Variants in RBM19 observed in about 807,000 individuals in gnomAD.
RBM19 encodes the protein probable RNA-binding protein 19.
A neutral mutation model predicts 116.8 loss-of-function variants in RBM19; 94 were observed. That is an observed-to-expected ratio of 0.80 (90% CI 0.68 to 0.95). The LOEUF (loss-of-function observed/expected upper bound fraction) is 0.95. RBM19 is among the 40% of genes least tolerant of loss of function. The pLI is 0.00. For synonymous variants in RBM19, 475 were observed against 494.1 expected (o/e 0.96, Z 0.51); for missense variants, 1,161 against 1,220.7 (o/e 0.95, Z 0.73).
chr12:113,902,702 G>A (rs945061638), intron 21 of RBM19, among the ~76,000 whole-genome samples: 2 of 151,516 alleles, frequency 1.3e-5, no homozygotes, highest in African/African-American at 2.4e-5. Flanking sequence ...TGGAGATTTA[G>A]CCACGTTGTT....
chr12:113,920,791 T>A, intron 18 of RBM19, 101 bp from the exon 19 acceptor site: 1 of 1,011,128 alleles, frequency 9.9e-7, no homozygotes, highest in Non-Finnish European at 1.5e-6. Flanking sequence ...GTATTTCCTC[T>A]TCTTTTCATA....
At chr12:113,830,508 C>T (rs927915770) in intron 23 of RBM19, among the ~76,000 whole-genome samples, 3 of 142,742 alleles carry the variant, frequency 2.1e-5, no homozygotes, top group Non-Finnish European at 4.5e-5. Context: ...CAACCCCATA[C>T]ACAGGGGCTG....
In RBM19 at chr12:113,945,879, G is replaced by A. The variant is rs772812665; in HGVS notation, c.1575C>T (p.Ala525=). Residue 525 remains alanine, a synonymous_variant, in exon 13 of 24, where the codon GCC becomes GCT. Coordinates refer to ENST00000261741, the MANE Select transcript of RBM19 (RefSeq NM_016196.4). ...NTLFMGPNAV[A]DAIAQKYNAT... ...CGTTGTACTTCTGTGCGATGGCATC[G>A]GCCACGGCATTCGGCCCCATGAATA... 40 of 1,594,684 alleles carry A rather than the reference G, an allele frequency of 2.5e-5. No individual in the cohort carries two copies. Among genetic ancestry groups the A allele is most frequent in the East Asian group, 2.5e-4 (11 of 44,788 alleles).
intron 20 of RBM19, among the ~76,000 whole-genome samples, chr12:113,917,484 C>T (rs1482858048): frequency 6.6e-6 from 1 of 152,192 alleles, no homozygotes; most frequent in Non-Finnish European, 1.5e-5. Context: ...ACCAAGCCAT[C>T]TTCCCTCCAA....
chr12:113,899,572 C>CA (rs1242868781), intron 21 of RBM19, among the ~76,000 whole-genome samples: 2 of 152,214 alleles, frequency 1.3e-5, no homozygotes, highest in Non-Finnish European at 2.9e-5. Context: ...CCCTCTAAGC[C>CA]AAAACGGTTC....
intron 21 of RBM19, among the ~76,000 whole-genome samples, chr12:113,913,353 C>T (rs1228743795): frequency 6.6e-5 from 10 of 151,982 alleles, no homozygotes; most frequent in Admixed American, 6.6e-4. Flanking sequence ...ACTGATCAGT[C>T]GAGGTTTAGG....
At chr12:113,831,041 G>A (rs554749895) in intron 23 of RBM19, among the ~76,000 whole-genome samples, 14 of 152,300 alleles carry the variant, frequency 9.2e-5, no homozygotes, top group African/African-American at 3.4e-4. Context: ...CCCAGCCTTC[G>A]TATAAACGTG....
intron 7 of RBM19, 57 bp from the exon 8 acceptor site, chr12:113,952,647 G>C: frequency 3.6e-6 from 5 of 1,384,644 alleles, no homozygotes; most frequent in Non-Finnish European, 5.1e-6. Context: ...ACAACCCAAC[G>C]AAAAGACATG....
intron 21 of RBM19, among the ~76,000 whole-genome samples, chr12:113,880,343 A>C (rs1195935272): frequency 6.6e-6 from 1 of 151,976 alleles, no homozygotes; most frequent in Non-Finnish European, 1.5e-5. Context: ...TACCTCCCCT[A>C]CCCTCACTGG....
rs1013241277 is a variant in RBM19 at position 113,959,744 on chromosome 12, C to G, written c.378+121G>C. 6.5e-6 allele frequency: 8 copies of G among 1,230,614 alleles called. No homozygotes were observed. In the African/African-American group the frequency reaches 1.1e-4, roughly 16 times the overall value. 76.2% of individuals were successfully genotyped at this position (1,230,614 alleles called of 1,614,324 possible). On this transcript the variant is annotated intron_variant, in intron 4 of 23. Coordinates refer to ENST00000261741, the MANE Select transcript of RBM19 (RefSeq NM_016196.4). ...GCCTCTTCCCTTTCCTAGCCTCCAC[C>G]CTCTCCAGCCTCTACGGTCTCCTAG...
At position 113,823,071 on chromosome 12, in the gene RBM19, A is replaced by C. The variant is rs1874547291; in HGVS notation, c.*153T>G. The C allele has an allele frequency of 1.5e-6, 1 of 675,560 alleles. No homozygotes were observed. The highest frequency in any genetic ancestry group is 2.8e-5 in the East Asian group (1 of 36,252). The allele number at this position is 675,560 out of a possible 1,614,324, so 41.8% of individuals were successfully genotyped here. ...TGGGCAGTGGCCTGAGGCCTTCCTC[A>C]TCCCCTGTCTCCTCCGACCTTGGAC... On this transcript the variant is annotated 3_prime_UTR_variant, in exon 24 of 24. Coordinates refer to ENST00000261741, the MANE Select transcript of RBM19 (RefSeq NM_016196.4).
At chr12:113,954,394 T>C (rs904278677) in intron 7 of RBM19, among the ~76,000 whole-genome samples, 1 of 152,122 alleles carries the variant, frequency 6.6e-6, no homozygotes, top group Non-Finnish European at 1.5e-5. Context: ...TGGACGTCAC[T>C]GGGTAGATAC....
At chr12:113,886,679 C>CTTTTGTTTTTGT (rs10622695) in intron 21 of RBM19, among the ~76,000 whole-genome samples, 19 of 151,526 alleles carry the variant, frequency 1.3e-4, no homozygotes, top group East Asian at 3.9e-4. Flanking sequence ...TTTGTTTTTG[C>CTTTTGTTTTTGT]TTTTGTTTTT....
rs371995017 is a variant in RBM19, at chr12:113,865,730, C to A, written c.2559-6834G>T. On this transcript the variant is annotated intron_variant, in intron 21 of 23. Transcript: ENST00000261741. ...GATGATGCTCTTTTATGCAGTGCAA[C>A]CATATGCTATTACAAGGAGCATTTG... 7.2e-5 allele frequency among the ~76,000 whole-genome samples: 11 copies of A among 152,040 alleles called. No homozygotes were observed. In the South Asian group the frequency reaches 1.2e-3, roughly 17 times the overall value.
chr12:113,945,760 A>G, intron 13 of RBM19, 68 bp downstream of exon 13: 3 of 1,341,536 alleles, frequency 2.2e-6, no homozygotes, highest in African/African-American at 2.9e-5. Context: ...CAGTACAACG[A>G]GCCTCCTGCT....
At chr12:113,919,845 T>C (rs1593585968) in intron 19 of RBM19, among the ~76,000 whole-genome samples, 1 of 151,934 alleles carries the variant, frequency 6.6e-6, no homozygotes, top group Non-Finnish European at 1.5e-5. Flanking sequence ...ACCTGCCCCC[T>C]GCCCCCAGCC....
chr12:113,938,262 C>T (rs1870244101), intron 15 of RBM19, among the ~76,000 whole-genome samples: 1 of 152,064 alleles, frequency 6.6e-6, no homozygotes, highest in African/African-American at 2.4e-5. Context: ...TGGGGCCCCA[C>T]CTAGATAATT....
At chr12:113,951,014 C>T (rs1354324848) in intron 8 of RBM19, among the ~76,000 whole-genome samples, 2 of 152,136 alleles carry the variant, frequency 1.3e-5, no homozygotes, top group Non-Finnish European at 2.9e-5. Flanking sequence ...GTGATCACTG[C>T]CCTCCCCTGC....
Position 113,937,081 on chromosome 12 carries a change from G to A in RBM19, c.1994C>T (p.Thr665Ile). ...TTGGAGCTTTTTCTTCTGTGGGGCTGTGCTGGAGAAGACGCCAACTGGAGC... is the reference window on the plus strand; with the variant it reads ...TTGGAGCTTTTTCTTCTGTGGGGCTATGCTGGAGAAGACGCCAACTGGAGC... ...EWAPVGVFSS[T>I]APQKKKLQDT... The change falls in exon 16 of 24, where the codon ACA (threonine) becomes ATA (isoleucine). Residue 665 changes from threonine to isoleucine, a missense_variant. By Grantham distance (89) the Thr-to-Ile change is moderately conservative (BLOSUM62 -1). Transcript: ENST00000261741. 1 of 1,614,080 alleles carries A rather than the reference G, an allele frequency of 6.2e-7. No individual in the cohort carries two copies. Among genetic ancestry groups the A allele is most frequent in the Non-Finnish European group, 8.5e-7 (1 of 1,179,962 alleles).
Sources: allele counts gnomAD v4.1 joint callset (sites outside exome capture counted in the v4.1 genomes callset), GRCh38; gene constraint gnomAD v4.1.1; transcripts MANE v1.5; gene names NCBI Gene and HGNC (gene_info 2026-07-23, HGNC 2026-07-21).